MPDZ: variants seen among roughly 807,000 people sequenced by gnomAD.
The protein encoded by MPDZ is multiple PDZ domain crumbs cell polarity complex component.
A neutral mutation model predicts 239.1 loss-of-function variants in MPDZ; 234 were observed. That is an observed-to-expected ratio of 0.98 (90% CI 0.88 to 1.09). The LOEUF is 1.09. Ranked by LOEUF, MPDZ falls within the 50% of genes least tolerant of loss-of-function variation. The pLI, the probability that MPDZ is intolerant of heterozygous loss-of-function variation, is 0.00. For synonymous variants in MPDZ, 1,048 were observed against 881.3 expected (o/e 1.19, Z -3.35); for missense variants, 3,175 against 2,510.0 (o/e 1.26, Z -5.66).
At chr9:13,156,567 G>A (rs1457175143) in intron 24 of MPDZ, among the ~76,000 whole-genome samples, 1 of 152,120 alleles carries the variant, frequency 6.6e-6, no homozygotes, top group Non-Finnish European at 1.5e-5. Context: ...AGAACAGCAT[G>A]GGAAAGACCT....
At chr9:13,232,782 G>A (rs1962870314) in intron 3 of MPDZ, among the ~76,000 whole-genome samples, 1 of 148,246 alleles carries the variant, frequency 6.7e-6, no homozygotes, top group South Asian at 2.1e-4. Context: ...CAAATATCCA[G>A]CAAAGAAGTT....
At position 13,168,532 on chromosome 9, in the gene MPDZ, C is replaced by A. The variant is rs1563947920; in HGVS notation, c.3088G>T (p.Gly1030Trp). 3.1e-6 allele frequency: 5 copies of A among 1,611,192 alleles called. No individual in the cohort carries two copies. Among genetic ancestry groups the A allele is most frequent in the Non-Finnish European group, 4.2e-6 (5 of 1,178,930 alleles). The change falls in exon 22 of 47, where the codon GGG becomes TGG. Residue 1030 changes from glycine (G) to tryptophan (W), a missense_variant. By Grantham distance (184) the Gly-to-Trp change is radical (BLOSUM62 -2). Transcript: ENST00000319217. ...MTVSANKDGL[G>W]MIVRSIIHGG... is the part of the protein sequence containing the mutation. ...TGAATAATGCTTCGAACGATCATCC[C>A]CAAGCCATCTTTATTAGCACTAACT...
chr9:13,236,249 G>GTGTATATA (rs1329605248), intron 3 of MPDZ, among the ~76,000 whole-genome samples: 2 of 35,850 alleles, frequency 5.6e-5, no homozygotes, highest in East Asian at 1.3e-3. Context: ...GTGTGTGTGT[G>GTGTATATA]TATATATATA....
intron 12 of MPDZ, among the ~76,000 whole-genome samples, chr9:13,196,582 TTC>T (rs1235673259): frequency 6.6e-6 from 1 of 152,164 alleles, no homozygotes; most frequent in Non-Finnish European, 1.5e-5. Flanking sequence ...GTCTTCAATG[TTC>T]TCTGTTTTAT....
At chr9:13,251,584 C>T (rs1273630691) in intron 1 of MPDZ, among the ~76,000 whole-genome samples, 1 of 152,190 alleles carries the variant, frequency 6.6e-6, no homozygotes. Context: ...TCTACCACCA[C>T]ACGTTCTCAT....
intron 1 of MPDZ, among the ~76,000 whole-genome samples, chr9:13,259,990 C>T (rs1000836910): frequency 6.6e-5 from 10 of 151,650 alleles, no homozygotes; most frequent in East Asian, 1.9e-4. Flanking sequence ...CCTGCCACCA[C>T]GCCCGGCTAA....
At chr9:13,115,745 A>G (rs1943307728) in intron 39 of MPDZ, among the ~76,000 whole-genome samples, 1 of 152,034 alleles carries the variant, frequency 6.6e-6, no homozygotes, top group South Asian at 2.1e-4. Flanking sequence ...GGAGATCAAG[A>G]CCATCCTGGC....
At chr9:13,184,480 T>A (rs1291105737) in intron 18 of MPDZ, among the ~76,000 whole-genome samples, 2 of 151,970 alleles carry the variant, frequency 1.3e-5, no homozygotes, top group East Asian at 3.9e-4. Context: ...TAACATTATA[T>A]CAGGTCACAT....
intron 19 of MPDZ, among the ~76,000 whole-genome samples, chr9:13,178,689 G>T (rs570889290): frequency 6.6e-6 from 1 of 152,260 alleles, no homozygotes; most frequent in Non-Finnish European, 1.5e-5. Context: ...GGTATTTATG[G>T]TGACGAATAG....
rs61753783 is a variant in MPDZ, at chr9:13,147,603, C to T, written c.3686G>A (p.Arg1229Gln). The T allele has an allele frequency of 5.7e-4, 913 of 1,612,258 alleles. No homozygotes were observed. The highest frequency in any genetic ancestry group is 7.2e-4 in the Non-Finnish European group (847 of 1,178,816). ...AAAGACTACAGGGTTGCCTGCTTTC[C>T]GAATGGCTTCCACAGCTTGTTCATG... ...ASHEQAVEAI[R>Q]KAGNPVVFMV... is the part of the protein sequence containing the mutation. Residue 1229 changes from arginine to glutamine, a missense_variant, in exon 26 of 47, where the codon CGG becomes CAG. Coordinates refer to ENST00000319217, the MANE Select transcript of MPDZ (RefSeq NM_001378778.1).
At position 13,109,041 on chromosome 9, in the gene MPDZ, A is replaced by G; in HGVS notation, c.5961T>C (p.Ser1987=). The G allele has an allele frequency of 6.5e-7, 1 of 1,539,480 alleles. No homozygotes were observed. The highest frequency in any genetic ancestry group is 8.8e-7 in the Non-Finnish European group (1 of 1,139,526). ...QDDLGPPQCK[S]ITLERGPDGL... ...CATCTGGTCCTCGCTCTAGTGTAATAGACTTACATTGAGGAGGTCTACGGT... is the reference window on the plus strand; with the variant it reads ...CATCTGGTCCTCGCTCTAGTGTAATGGACTTACATTGAGGAGGTCTACGGT... Residue 1987 remains serine, a synonymous_variant, in exon 46 of 47, where the codon TCT becomes TCC. Coordinates refer to ENST00000319217, the MANE Select transcript of MPDZ (RefSeq NM_001378778.1).
At chr9:13,117,486 A>C (rs911078178) in intron 39 of MPDZ, among the ~76,000 whole-genome samples, 6 of 151,116 alleles carry the variant, frequency 4.0e-5, no homozygotes, top group African/African-American at 1.5e-4. Flanking sequence ...AGCCGAGATC[A>C]CACCACTGCA....
chr9:13,190,132 A>G lies in MPDZ; in HGVS notation c.2136T>C (p.Phe712=), dbSNP rs1954699411. The G allele has an allele frequency of 6.2e-6, 10 of 1,612,650 alleles. No individual in the cohort carries two copies. The highest frequency in any genetic ancestry group is 6.8e-6 in the Non-Finnish European group (8 of 1,179,326). The change falls in exon 16 of 47, where the codon TTT becomes TTC. Residue 712 remains phenylalanine (F), a synonymous_variant. Coordinates refer to ENST00000319217, the MANE Select transcript of MPDZ (RefSeq NM_001378778.1). The stretch of plus-strand genomic sequence containing the variant: ...TACTTACCTGATAATCTAAAATGCT[A>G]AAACCAAGTCCTTTGCTCCCTTTCT... ...ELEKGSKGLG[F]SILDYQDPID...
rs115838140 is a variant in MPDZ at position 13,186,153 on chromosome 9, T to A, written c.2481+117A>T. On this transcript the variant is annotated intron_variant, in intron 18 of 46. Coordinates refer to ENST00000319217, the MANE Select transcript of MPDZ (RefSeq NM_001378778.1). ...AACTAAGTTGGAGAAAACATGTTTA[T>A]CTTTCCAAATATAATAATGAACAAA... 2,557 of 491,790 alleles carry A rather than the reference T, an allele frequency of 5.2e-3. 50 individuals are homozygous for A. Among genetic ancestry groups the A allele is most frequent in the African/African-American group, 0.045 (2,243 of 50,286 alleles). The allele number at this position is 491,790 out of a possible 1,614,324, so 30.5% of individuals were successfully genotyped here.
rs1942951451 is a variant in MPDZ at position 13,114,022 on chromosome 9, C to G, written c.5467-1G>C. The G allele has an allele frequency of 4.4e-6, 7 of 1,584,820 alleles. No homozygotes were observed. The East Asian group carries it at 1.6e-4, about 36-fold the overall frequency. On this transcript the variant is annotated splice_acceptor_variant, in intron 40 of 46. Coordinates refer to ENST00000319217, the MANE Select transcript of MPDZ (RefSeq NM_001378778.1). LOFTEE classifies it high-confidence loss of function. ...AAGATGACAGGCTGCCTTCACTCAC[C>G]TACAAATATACAACAATTATTTCAG...
intron 3 of MPDZ, among the ~76,000 whole-genome samples, chr9:13,231,834 A>C (rs1292477371): frequency 6.6e-6 from 1 of 152,156 alleles, no homozygotes; most frequent in Non-Finnish European, 1.5e-5. Context: ...AAATAGAAAA[A>C]TACTAAATGA....
At chr9:13,125,701 TACA>T (rs1197844517) in intron 34 of MPDZ, among the ~76,000 whole-genome samples, 6 of 152,204 alleles carry the variant, frequency 3.9e-5, no homozygotes, top group African/African-American at 1.4e-4. Flanking sequence ...TCTGAATGCC[TACA>T]ACCTTAGAAG....
At chr9:13,120,677 G>C (rs557308425) in intron 38 of MPDZ, 1 of 152,312 alleles carries the variant, frequency 6.6e-6, no homozygotes, top group East Asian at 1.9e-4. Flanking sequence ...TGGTGTAAAT[G>C]TCCTTTTATT....
chr9:13,238,326 A>C (rs1388506467), intron 3 of MPDZ, among the ~76,000 whole-genome samples: 6 of 152,178 alleles, frequency 3.9e-5, no homozygotes. Context: ...CACTTACATA[A>C]TAAGATTACA....
Sources: gnomAD v4.1 joint callset for allele counts (sites outside exome capture counted in the v4.1 genomes callset) on GRCh38, gnomAD v4.1.1 for gene constraint, MANE v1.5 for transcripts, NCBI Gene and HGNC (gene_info 2026-07-23, HGNC 2026-07-21) for gene names.